The following OPRM1 variants were observed in gnomAD, a reference collection of about 807,000 sequenced individuals.
OPRM1 encodes mu-type opioid receptor.
In OPRM1, 27 loss-of-function variants were observed where a neutral mutation model predicts 31.8. That is an observed-to-expected ratio of 0.85 (90% CI 0.63 to 1.17). The LOEUF (loss-of-function observed/expected upper bound fraction) is 1.17, where lower values mean the gene tolerates loss of function less well. Ranked by LOEUF, OPRM1 falls within the 50% of genes most tolerant of loss-of-function variation. OPRM1 has a pLI of 0.00. For missense variants in OPRM1, 536 were observed against 511.1 expected (o/e 1.05, Z -0.47); for synonymous variants, 196 against 189.9 (o/e 1.03, Z -0.26).
At chr6:154,202,855 T>C (rs1241112424) in intron 3 of OPRM1, among the ~76,000 whole-genome samples, 2 of 150,354 alleles carry the variant, frequency 1.3e-5, no homozygotes, top group East Asian at 1.9e-4. Flanking sequence ...AAAAGAAGAA[T>C]GAAGGGAAAA....
Position 154,168,033 on chromosome 6 carries a change from C to T in OPRM1, c.1164+76561C>T, listed in dbSNP as rs1326134888. On this transcript the variant is annotated intron_variant, in intron 3 of 3. Coordinates refer to the OPRM1 transcript ENST00000337049. This position sits in a 1 kb window ranked among gnomAD's most constrained non-coding sequence, Gnocchi z 4.1. ...TCCTTTTTAGTCGAAGGTCGTCGGT[C>T]CCCAAGAGGAGATAGACTAGCTTGC... 13 of 1,610,848 alleles carry T rather than the reference C, an allele frequency of 8.1e-6. No individual in the cohort carries two copies. The highest frequency in any genetic ancestry group is 1.3e-5 in the African/African-American group (1 of 74,858).
intron 3 of OPRM1, among the ~76,000 whole-genome samples, chr6:154,183,222 G>T (rs1331799622): frequency 6.6e-6 from 1 of 151,956 alleles, no homozygotes; most frequent in Non-Finnish European, 1.5e-5. Context: ...CTCGTGATCT[G>T]CCCATCTTGG....
In OPRM1 at chr6:154,101,798, G is replaced by T. The variant is rs192228875; in HGVS notation, c.1164+10326G>T. Reference sequence around the variant, plus strand: ...CACCTAGTTTTCAAATAGAGTTTAAGAAAATTTGTGTAAATAAAAAGTCAG... The same window carrying T: ...CACCTAGTTTTCAAATAGAGTTTAATAAAATTTGTGTAAATAAAAAGTCAG... On this transcript the variant is annotated intron_variant, in intron 3 of 3. Transcript: ENST00000330432. Among the ~76,000 whole-genome samples the T allele has an allele frequency of 1.1e-3, 166 of 152,164 alleles. 1 individual carries two copies. Among genetic ancestry groups the T allele is most frequent in the African/African-American group, 3.6e-3 (151 of 41,520 alleles).
In OPRM1 at chr6:154,130,072, T is replaced by C. The variant is rs1328458234; in HGVS notation, c.*11351T>C. Among the ~76,000 whole-genome samples, 1 of 110,930 alleles carries C rather than the reference T, an allele frequency of 9.0e-6. No homozygotes were observed. The highest frequency in any genetic ancestry group is 3.6e-4 in the East Asian group (1 of 2,788). 72.8% of individuals were successfully genotyped at this position (110,930 alleles called of 152,430 possible). ...TAAACTTAAAATGAAAATTAGAATT[T>C]GCTTTCAATTATACTATCTCTATCT... is the stretch of plus-strand genomic sequence containing the variant. On this transcript the variant is annotated 3_prime_UTR_variant, in exon 4 of 4. Transcript: ENST00000330432.
At chr6:154,144,209 A>C (rs987808435) in intron 3 of OPRM1, among the ~76,000 whole-genome samples, 2 of 152,250 alleles carry the variant, frequency 1.3e-5, no homozygotes, top group Admixed American at 6.5e-5. Context: ...CTCCAAGCCC[A>C]GATAATTTCA....
exon 1 of OPRM1, chr6:154,010,706 G>T: frequency 7.0e-7 from 1 of 1,438,440 alleles, no homozygotes; most frequent in South Asian, 1.5e-5. Context: ...ACAGGCTTCT[G>T]GATTCAGTGT....
chr6:154,115,147 G>A (rs748946976), intron 3 of OPRM1, among the ~76,000 whole-genome samples: 8 of 152,162 alleles, frequency 5.3e-5, no homozygotes, highest in Non-Finnish European at 1.0e-4. Flanking sequence ...TATCAAATCT[G>A]GGTAATTAAA....
intron 3 of OPRM1, among the ~76,000 whole-genome samples, chr6:154,100,776 A>G (rs1047111912): frequency 2.0e-5 from 3 of 151,596 alleles, no homozygotes; most frequent in Non-Finnish European, 4.4e-5. Flanking sequence ...AGAATACTAG[A>G]TATCTACAAA....
intron 1 of OPRM1, among the ~76,000 whole-genome samples, chr6:154,069,822 G>T (rs1333529107): frequency 6.6e-6 from 1 of 152,086 alleles, no homozygotes; most frequent in East Asian, 1.9e-4. Flanking sequence ...TAAACTTAAG[G>T]TCTTCTCAGG....
rs1778422194 is a variant in OPRM1 at position 154,216,688 on chromosome 6, TGA to T, written c.1165-30004_1165-30003del. On this transcript the variant is annotated intron_variant, in intron 3 of 3. Coordinates refer to the OPRM1 transcript ENST00000337049. ...TTGGAGACCAGCCTGACCAACATGG[TGA>T]AACCCTGTCTTTACCAAAAATACAA... Among the ~76,000 whole-genome samples, 18 of 152,072 alleles carry T rather than the reference TGA, an allele frequency of 1.2e-4. No homozygotes were observed. In the South Asian group the frequency reaches 3.5e-3, roughly 30 times the overall value.
intron 1 of OPRM1, among the ~76,000 whole-genome samples, chr6:154,032,965 C>G (rs1263852222): frequency 6.6e-6 from 1 of 152,126 alleles, no homozygotes; most frequent in African/African-American, 2.4e-5. Flanking sequence ...AGAGAAACAA[C>G]AGAGCTAGAG....
At chr6:154,110,342 AAT>A (rs1477336283) in intron 3 of OPRM1, 1 of 1,336,960 alleles carries the variant, frequency 7.5e-7, no homozygotes, top group Middle Eastern at 1.8e-4. Context: ...TTTTGAATGA[AAT>A]ATCTTTGCAG....
At chr6:154,108,576 T>C (rs1795960184) in intron 3 of OPRM1, 1 of 159,996 alleles carries the variant, frequency 6.3e-6, no homozygotes, top group African/African-American at 2.4e-5. Flanking sequence ...ATCCTGTACA[T>C]GTCCAACCCT....
chr6:154,017,704 C>T (rs554586952), intron 1 of OPRM1, among the ~76,000 whole-genome samples: 2 of 152,302 alleles, frequency 1.3e-5, no homozygotes, highest in South Asian at 2.1e-4. Context: ...CTAACTTCCT[C>T]GATTTCCCAT....
chr6:154,117,606 G>C (rs1583614864), intron 3 of OPRM1, among the ~76,000 whole-genome samples: 1 of 152,122 alleles, frequency 6.6e-6, no homozygotes, highest in Non-Finnish European at 1.5e-5. Flanking sequence ...CTACGATCAA[G>C]CAGCCACATC....
At chr6:154,096,502 T>C (rs1352992607) in intron 3 of OPRM1, among the ~76,000 whole-genome samples, 1 of 152,122 alleles carries the variant, frequency 6.6e-6, no homozygotes, top group Admixed American at 6.5e-5. Context: ...GGTTTTGCCA[T>C]TACTTTCAAT....
intron 1 of OPRM1, among the ~76,000 whole-genome samples, chr6:154,069,528 C>T (rs1016540071): frequency 5.9e-5 from 9 of 152,162 alleles, no homozygotes; most frequent in Admixed American, 2.6e-4. Flanking sequence ...TGAGCCACCG[C>T]GCCGAGCCCT....
At position 154,113,002 on chromosome 6, in the gene OPRM1, T is replaced by C. The variant is rs148092671; in HGVS notation, c.1165-5681T>C. 2.0e-3 allele frequency among the ~76,000 whole-genome samples: 299 copies of C among 152,292 alleles called. 1 individual carries two copies. Among genetic ancestry groups the C allele is most frequent in the Middle Eastern group, 3.4e-3 (1 of 294 alleles). ...ATTTCAGATAAGCACCTAGCTTCCTTTCTTATGGTATGCATGGATTGCTCC... is the reference window on the plus strand; with the variant it reads ...ATTTCAGATAAGCACCTAGCTTCCTCTCTTATGGTATGCATGGATTGCTCC... On this transcript the variant is annotated intron_variant, in intron 3 of 3. Transcript: ENST00000330432.
upstream of OPRM1, among the ~76,000 whole-genome samples, chr6:154,038,568 A>G (rs1779463254): frequency 6.6e-6 from 1 of 152,208 alleles, no homozygotes; most frequent in Non-Finnish European, 1.5e-5. Context: ...GCATATGTCT[A>G]TCGAGGAAGT....
Sources: allele counts gnomAD v4.1 joint callset (sites outside exome capture counted in the v4.1 genomes callset), GRCh38; gene constraint gnomAD v4.1.1; non-coding constraint Gnocchi (gnomAD v3.1); transcripts MANE v1.5; gene names NCBI Gene and HGNC (gene_info 2026-07-23, HGNC 2026-07-21).